Variants in DYNAP observed in about 807,000 individuals in gnomAD.
DYNAP encodes the protein dynactin associated protein.
In DYNAP, 7 loss-of-function variants were observed where a neutral mutation model predicts 8.5. The ratio of observed to expected loss-of-function variants is 0.82; its 90% CI spans 0.47 to 1.54. The LOEUF is 1.54. DYNAP is among the 40% of genes most tolerant of loss of function. DYNAP has a pLI of 0.01. For missense variants in DYNAP, 256 were observed against 224.3 expected, an observed-to-expected ratio of 1.14 and a Z score of -0.90; for synonymous variants, 77 against 77.9, an observed-to-expected ratio of 0.99 and a Z score of 0.06.
Position 54,598,342 on chromosome 18 carries a change from C to T in DYNAP, c.*197C>T, listed in dbSNP as rs1416306090. 4 of 572,774 alleles carry T rather than the reference C, an allele frequency of 7.0e-6. No individual in the cohort carries two copies. Among genetic ancestry groups the T allele is most frequent in the African/African-American group, 1.9e-5 (1 of 53,856 alleles). 35.5% of individuals were successfully genotyped at this position (572,774 alleles called of 1,614,324 possible). On this transcript the variant is annotated 3_prime_UTR_variant, in exon 3 of 3. Coordinates refer to ENST00000648945, the MANE Select transcript of DYNAP (RefSeq NM_173629.3). ...AAACTTACTTGACAACTCAAATAAT[C>T]ACCACTTCGACCATCTCTTTGACTG...
intron 2 of DYNAP, 87 bp from the exon 3 acceptor site, chr18:54,597,726 C>T (rs1339838356): frequency 2.2e-6 from 3 of 1,355,852 alleles, no homozygotes; most frequent in South Asian, 1.5e-5. Flanking sequence ...ATGATGTTAA[C>T]CCAATAAGTT....
At position 54,591,324 on chromosome 18, in the gene DYNAP, C is replaced by G; in HGVS notation, c.42C>G (p.His14Gln). Residue 14 changes from histidine to glutamine, a missense_variant, in exon 1 of 3, where the codon CAC (histidine) becomes CAG (glutamine). Physicochemically the swap from His to Gln is conservative, Grantham distance 24 (BLOSUM62 0). Coordinates refer to ENST00000648945, the MANE Select transcript of DYNAP (RefSeq NM_173629.3). ...GAAAATACATATTGAACGTTGAGCA[C>G]TCTGAAAACCAGCCGGTGAGTGTCC... ...KHGKYILNVEHSENQPPITHP... is the reference protein window; with the variant it reads ...KHGKYILNVEQSENQPPITHP... 6.2e-7 allele frequency: 1 copy of G among 1,606,880 alleles called. No individual in the cohort carries two copies. Among genetic ancestry groups the G allele is most frequent in the Non-Finnish European group, 8.5e-7 (1 of 1,176,436 alleles).
Position 54,597,781 on chromosome 18 carries a change from T to C in DYNAP, c.223-32T>C, listed in dbSNP as rs112094644. Reference sequence around the variant, plus strand: ...TGATAAATTACAAGCATTTTTGTTTTTCATTGCTGATATTTTTATATACAT... The same window carrying C: ...TGATAAATTACAAGCATTTTTGTTTCTCATTGCTGATATTTTTATATACAT... On this transcript the variant is annotated intron_variant, in intron 2 of 2. Coordinates refer to ENST00000648945, the MANE Select transcript of DYNAP (RefSeq NM_173629.3). 367 of 1,561,632 alleles carry C rather than the reference T, an allele frequency of 2.4e-4. 3 individuals are homozygous for C. In the African/African-American group the frequency reaches 3.7e-3, roughly 16 times the overall value.
the DYNAP span, among the ~76,000 whole-genome samples, chr18:54,577,109 T>A: frequency 4.6e-5 from 7 of 151,998 alleles, no homozygotes; most frequent in African/African-American, 1.7e-4. Flanking sequence ...ATAAAGAAGG[T>A]TTCTCTAAGG....
At chr18:54,583,552 G>A (rs1302630051), upstream of DYNAP, among the ~76,000 whole-genome samples, 1 of 152,110 alleles carries the variant, frequency 6.6e-6, no homozygotes, top group Non-Finnish European at 1.5e-5. Flanking sequence ...TCTTCTAGAG[G>A]AAGAAAATCA....
At chr18:54,575,721 G>A in the DYNAP span, among the ~76,000 whole-genome samples, 1 of 151,996 alleles carries the variant, frequency 6.6e-6, no homozygotes, top group Admixed American at 6.6e-5. Context: ...TTATAGTCAT[G>A]AGCCATCGCA....
At chr18:54,587,907 G>A, upstream of DYNAP, 2 of 400,524 alleles carry the variant, frequency 5.0e-6, no homozygotes, top group Non-Finnish European at 8.9e-6. Flanking sequence ...AAACACAGGT[G>A]AATTATACAG....
At chr18:54,591,971 C>T (rs1911095664) in intron 1 of DYNAP, among the ~76,000 whole-genome samples, 1 of 152,000 alleles carries the variant, frequency 6.6e-6, no homozygotes, top group Non-Finnish European at 1.5e-5. Flanking sequence ...AAAGGAAGGA[C>T]ATGTAATGAG....
upstream of DYNAP, among the ~76,000 whole-genome samples, chr18:54,589,813 T>C (rs569198019): frequency 4.6e-5 from 7 of 152,240 alleles, no homozygotes; most frequent in East Asian, 1.3e-3. Context: ...ATATATATTA[T>C]TGGTTTAATT....
chr18:54,587,488 G>A (rs1205608747), upstream of DYNAP, among the ~76,000 whole-genome samples: 1 of 152,056 alleles, frequency 6.6e-6, no homozygotes, highest in African/African-American at 2.4e-5. Context: ...ATGAAATATG[G>A]TACATATATT....
intron 1 of DYNAP, 23 bp downstream of exon 1, chr18:54,591,362 G>C: frequency 6.3e-7 from 1 of 1,590,212 alleles, no homozygotes. Context: ...GCTCCATTTT[G>C]ATAGTTTGCC....
the DYNAP span, among the ~76,000 whole-genome samples, chr18:54,577,800 C>G: frequency 2.0e-5 from 3 of 151,592 alleles, no homozygotes; most frequent in African/African-American, 4.8e-5. Context: ...AACCCGGTCT[C>G]TACTAAAAAT....
chr18:54,598,059 A>T lies in DYNAP; in HGVS notation c.469A>T (p.Thr157Ser). The change falls in exon 3 of 3, where the codon ACA becomes TCA. Residue 157 changes from threonine (T) to serine (S), a missense_variant. By Grantham distance (58) the Thr-to-Ser change is moderately conservative. Coordinates refer to ENST00000648945, the MANE Select transcript of DYNAP (RefSeq NM_173629.3). Reference sequence around the variant, plus strand: ...CACCACTTCAACTGTACCTGCAAGTACAGCCACTGAATCTACAACTTCAAC... The same window carrying T: ...CACCACTTCAACTGTACCTGCAAGTTCAGCCACTGAATCTACAACTTCAAC... The part of the protein sequence containing the change: ...MTTTSTVPAS[T>S]ATESTTSTAT... 6.2e-7 allele frequency: 1 copy of T among 1,612,912 alleles called. No individual in the cohort carries two copies. Among genetic ancestry groups the T allele is most frequent in the Non-Finnish European group, 8.5e-7 (1 of 1,179,400 alleles).
chr18:54,576,162 T>C, the DYNAP span, among the ~76,000 whole-genome samples: 2 of 152,352 alleles, frequency 1.3e-5, no homozygotes, highest in African/African-American at 2.4e-5. Context: ...TTATCATTTA[T>C]GGGTATTTGG....
upstream of DYNAP, chr18:54,587,953 T>A (rs1055469375): frequency 7.5e-6 from 3 of 399,292 alleles, no homozygotes; most frequent in African/African-American, 6.2e-5. Context: ...TATATATTTA[T>A]CATTTATATT....
upstream of DYNAP, among the ~76,000 whole-genome samples, chr18:54,582,897 AGTG>A (rs2144879146): frequency 6.6e-6 from 1 of 152,282 alleles, no homozygotes; most frequent in African/African-American, 2.4e-5. Flanking sequence ...TTGTTTTGGC[AGTG>A]ACCTATATAT....
chr18:54,594,902 C>T, intron 1 of DYNAP, 37 bp from the exon 2 acceptor site: 15 of 1,580,194 alleles, frequency 9.5e-6, no homozygotes, highest in Non-Finnish European at 1.2e-5. Context: ...ACCATGGTTT[C>T]CTAGGCTTCC....
intron 1 of DYNAP, among the ~76,000 whole-genome samples, chr18:54,594,115 T>A (rs1341163821): frequency 6.6e-6 from 1 of 152,134 alleles, no homozygotes; most frequent in Non-Finnish European, 1.5e-5. Flanking sequence ...TCTGAATAAT[T>A]TACAATTATT....
intron 2 of DYNAP, among the ~76,000 whole-genome samples, chr18:54,596,248 T>C (rs535353869): frequency 6.6e-6 from 1 of 151,976 alleles, no homozygotes; most frequent in African/African-American, 2.4e-5. Flanking sequence ...AATTTTTTAA[T>C]TTTTTGTAGA....
Sources: allele counts gnomAD v4.1 joint callset (sites outside exome capture counted in the v4.1 genomes callset), GRCh38; gene constraint gnomAD v4.1.1; transcripts MANE v1.5; gene names NCBI Gene and HGNC (gene_info 2026-07-23, HGNC 2026-07-21).